The following TMEM94 variants were observed in gnomAD, a reference collection of about 807,000 sequenced individuals.
TMEM94 encodes ER Mg2+ ATPase.
A neutral mutation model predicts 158.6 loss-of-function variants in TMEM94; 81 were observed. The ratio of observed to expected loss-of-function variants is 0.51; its 90% CI spans 0.43 to 0.61. TMEM94 has a LOEUF of 0.61. TMEM94 is among the 20% of genes least tolerant of loss of function. The probability of loss-of-function intolerance (pLI) is 0.00; values close to 1 mark genes in which losing one functional copy is unlikely to be tolerated. For missense variants in TMEM94, 1,435 were observed against 1,762.0 expected (o/e 0.81, Z 3.32); for synonymous variants, 751 against 730.7 (o/e 1.03, Z -0.45).
chr17:75,480,106 AAG>A (rs2051045991), intron 2 of TMEM94, among the ~76,000 whole-genome samples: 1 of 151,930 alleles, frequency 6.6e-6, no homozygotes, highest in African/African-American at 2.4e-5. Flanking sequence ...AAAAAAAAAA[AAG>A]AGAAAAAGAG....
At chr17:75,497,753 A>T (rs371044908) in intron 26 of TMEM94, 28 bp from the exon 27 acceptor site, 4 of 1,570,064 alleles carry the variant, frequency 2.5e-6, no homozygotes, top group African/African-American at 1.3e-5. Flanking sequence ...CATTGTCACC[A>T]TCCCTCTACC....
rs2052182522 is a variant in TMEM94, at chr17:75,491,497, G to A, written c.1386+42G>A. On this transcript the variant is annotated intron_variant, in intron 13 of 31. Transcript: ENST00000314256. The surrounding 1 kb of genome is among the most constrained non-coding windows in gnomAD (Gnocchi z 5.1). ...GGCCGGCTCCCATGGGCCCGACTCT[G>A]GGCCAGGCTGTTTAGCCTTGGAGCC... 1 of 1,613,450 alleles carries A rather than the reference G, an allele frequency of 6.2e-7. No homozygotes were observed. The highest frequency in any genetic ancestry group is 1.3e-5 in the African/African-American group (1 of 74,936).
intron 2 of TMEM94, among the ~76,000 whole-genome samples, chr17:75,483,457 T>C (rs1439690703): frequency 6.6e-6 from 1 of 151,330 alleles, no homozygotes; most frequent in East Asian, 1.9e-4. Context: ...CAAGTTTTTT[T>C]CTTTTCTTTT....
Position 75,491,005 on chromosome 17 carries a change from G to A in TMEM94, c.1129-44G>A. The A allele has an allele frequency of 6.8e-7, 1 of 1,472,804 alleles. No homozygotes were observed. Among genetic ancestry groups the A allele is most frequent in the Non-Finnish European group, 9.3e-7 (1 of 1,070,674 alleles). The allele number at this position is 1,472,804 out of a possible 1,614,324, so 91.2% of individuals were successfully genotyped here. A position where few individuals can be genotyped will look rare whatever the true frequency, so the allele number is the denominator to read the frequency against. On this transcript the variant is annotated intron_variant, in intron 11 of 31. Coordinates refer to ENST00000314256, the MANE Select transcript of TMEM94 (RefSeq NM_014738.6). This position sits in a 1 kb window ranked among gnomAD's most constrained non-coding sequence, Gnocchi z 5.1. ...CTAGAGGCCGTCTCCAGGGAAATGAGGCTGAGCCCTAAATGGCCTTGCAGA... is the reference window on the plus strand; with the variant it reads ...CTAGAGGCCGTCTCCAGGGAAATGAAGCTGAGCCCTAAATGGCCTTGCAGA...
At chr17:75,496,578 C>T (rs2052708295) in intron 24 of TMEM94, 107 bp downstream of exon 24, 4 of 1,424,290 alleles carry the variant, frequency 2.8e-6, no homozygotes, top group Non-Finnish European at 3.9e-6. Context: ...TTCCCCAGCC[C>T]TCCGAGCGGG....
At position 75,496,050 on chromosome 17, in the gene TMEM94, G is replaced by C; in HGVS notation, c.3029G>C (p.Cys1010Ser). 6.2e-7 allele frequency: 1 copy of C among 1,612,718 alleles called. No homozygotes were observed. The highest frequency in any genetic ancestry group is 8.5e-7 in the Non-Finnish European group (1 of 1,179,712). The change falls in exon 23 of 32, where the codon TGC becomes TCC. Residue 1010 changes from cysteine to serine, a missense_variant. Transcript: ENST00000314256. ...AGCTCTGCCAACCTGCGGAACAGCT[G>C]CCTCTTCCTCCAGAGCGACATCAGG... ...LGSSANLRNS[C>S]LFLQSDISIA... is the part of the protein sequence containing the mutation.
At chr17:75,470,656 G>A (rs936808667) in intron 1 of TMEM94, among the ~76,000 whole-genome samples, 2 of 151,436 alleles carry the variant, frequency 1.3e-5, no homozygotes, top group Non-Finnish European at 2.9e-5. Flanking sequence ...AGTGAGCCGA[G>A]ATCGCGCCAC....
At chr17:75,480,278 C>T (rs983242204) in intron 2 of TMEM94, among the ~76,000 whole-genome samples, 2 of 152,232 alleles carry the variant, frequency 1.3e-5, no homozygotes, top group Admixed American at 6.5e-5. Flanking sequence ...CGGGCAAGAG[C>T]TTCCTTTGGG....
At position 75,488,307 on chromosome 17, in the gene TMEM94, C is replaced by T. The variant is rs1443796413; in HGVS notation, c.612+173C>T. Among the ~76,000 whole-genome samples the T allele has an allele frequency of 3.9e-5, 6 of 152,122 alleles. No homozygotes were observed. The East Asian group carries it at 1.2e-3, about 29-fold the overall frequency. On this transcript the variant is annotated intron_variant, in intron 6 of 31. Transcript: ENST00000314256. ...TGTTCTTTTTTTTGAAACAGGGTCT[C>T]ACCCTGTCGCCCAGGCTGGAGTGCA... is the stretch of plus-strand genomic sequence containing the variant.
At chr17:75,493,938 C>T (rs373675652) in intron 18 of TMEM94, 22 bp downstream of exon 18, 24 of 1,595,692 alleles carry the variant, frequency 1.5e-5, no homozygotes, top group Admixed American at 6.7e-5. Flanking sequence ...GTCTGTCCAG[C>T]GGGGCTGGTG....
In TMEM94 at chr17:75,492,493, G is replaced by A; in HGVS notation, c.1616G>A (p.Ser539Asn). Residue 539 changes from serine to asparagine, a missense_variant, in exon 15 of 32, where the codon AGC (serine) becomes AAC (asparagine). This residue lies in a region of TMEM94 where 1,051 missense variants were observed against 1,254.4 expected (regional missense o/e 0.84). Coordinates refer to ENST00000314256, the MANE Select transcript of TMEM94 (RefSeq NM_014738.6). This position sits in a 1 kb window ranked among gnomAD's most constrained non-coding sequence, Gnocchi z 4.4. ...CCCCAGACCCAGCCTGGGATGGAGA[G>A]CGACCCCTACGAAGCAGAGGACTTT... ...EPSKTQPGME[S>N]DPYEAEDFVC... The A allele has an allele frequency of 6.3e-7, 1 of 1,592,152 alleles. No homozygotes were observed. The highest frequency in any genetic ancestry group is 1.7e-5 in the Admixed American group (1 of 59,192).
At position 75,498,454 on chromosome 17, in the gene TMEM94, A is replaced by AGGG. The variant is rs899553177; in HGVS notation, c.3650_3652dup (p.Arg1217_Ala1218insGly). ...GCCTCACTTTGGCAGCAACGACGACAGGGCTCCAGCCTGGTTTGAGGACTT... is the reference window on the plus strand; with the variant it reads ...GCCTCACTTTGGCAGCAACGACGACAGGGGGGCTCCAGCCTGGTTTGAGGACTT... On this transcript the variant is annotated inframe_insertion, in exon 29 of 32. Transcript: ENST00000314256. The surrounding 1 kb of genome is among the most constrained non-coding windows in gnomAD (Gnocchi z 6.7). The AGGG allele has an allele frequency of 5.7e-6, 9 of 1,587,070 alleles. No individual in the cohort carries two copies. Among genetic ancestry groups the AGGG allele is most frequent in the African/African-American group, 4.0e-5 (3 of 74,394 alleles).
intron 11 of TMEM94, 61 bp from the exon 12 acceptor site, chr17:75,490,988 C>G: frequency 7.4e-7 from 1 of 1,346,310 alleles, no homozygotes; most frequent in Non-Finnish European, 1.0e-6. Flanking sequence ...CCCTAGAGGC[C>G]GTCTCCAGGG....
intron 2 of TMEM94, among the ~76,000 whole-genome samples, chr17:75,478,231 A>G (rs1396349694): frequency 1.4e-5 from 2 of 138,014 alleles, no homozygotes; most frequent in African/African-American, 2.7e-5. Context: ...TTTAGCCGGG[A>G]TGGTCTCGAT....
chr17:75,483,013 A>T (rs902109313), intron 2 of TMEM94, among the ~76,000 whole-genome samples: 1 of 152,210 alleles, frequency 6.6e-6, no homozygotes, highest in African/African-American at 2.4e-5. Context: ...CCTGAAGTGC[A>T]GCCCTGGGTT....
At chr17:75,468,582 G>C (rs1277386446) in intron 1 of TMEM94, among the ~76,000 whole-genome samples, 6 of 152,240 alleles carry the variant, frequency 3.9e-5, no homozygotes, top group Non-Finnish European at 7.3e-5. Context: ...AAGACTGAAT[G>C]TCACTGCATT....
At position 75,485,704 on chromosome 17, in the gene TMEM94, G is replaced by T. The variant is rs2051534477; in HGVS notation, c.144+157G>T. ...GAAAGAAGCCAAGGTTCCCCTCAGA[G>T]TGGCTCCTGAGCCTGCTTGCTGCAG... On this transcript the variant is annotated intron_variant, in intron 3 of 31. Coordinates refer to ENST00000314256, the MANE Select transcript of TMEM94 (RefSeq NM_014738.6). The surrounding 1 kb of genome is among the most constrained non-coding windows in gnomAD (Gnocchi z 5.5). The T allele has an allele frequency of 1.5e-6, 2 of 1,336,896 alleles. No homozygotes were observed. The highest frequency in any genetic ancestry group is 2.0e-6 in the Non-Finnish European group (2 of 975,784). The allele number at this position is 1,336,896 out of a possible 1,614,324, so 82.8% of individuals were successfully genotyped here.
At position 75,495,990 on chromosome 17, in the gene TMEM94, T is replaced by C; in HGVS notation, c.2969T>C (p.Met990Thr). ...GCCATGTGTGAGATGATAAAGATCA[T>C]GCAAGAGTACGGGGAGGTGACCTGC... is the stretch of plus-strand genomic sequence containing the variant. ...PETMCEMIKI[M>T]QEYGEVTCCL... Residue 990 changes from methionine (M) to threonine (T), a missense_variant, in exon 23 of 32, where the codon ATG becomes ACG. Physicochemically the swap from Met to Thr is moderately conservative, Grantham distance 81. Around this residue, in one of 3 missense-constraint regions of TMEM94, gnomAD observed 49 missense variants for 98.5 expected, o/e 0.50. Coordinates refer to ENST00000314256, the MANE Select transcript of TMEM94 (RefSeq NM_014738.6). The surrounding 1 kb of genome is among the most constrained non-coding windows in gnomAD (Gnocchi z 5.6). 1.2e-6 allele frequency: 2 copies of C among 1,613,436 alleles called. No homozygotes were observed. The highest frequency in any genetic ancestry group is 1.7e-6 in the Non-Finnish European group (2 of 1,179,876).
intron 2 of TMEM94, among the ~76,000 whole-genome samples, chr17:75,478,698 C>G (rs1275971081): frequency 6.6e-6 from 1 of 152,320 alleles, no homozygotes; most frequent in Admixed American, 6.5e-5. Flanking sequence ...GTCAGGACTT[C>G]CTTAGAGCCG....
Sources: gnomAD v4.1 joint callset for allele counts (sites outside exome capture counted in the v4.1 genomes callset) on GRCh38, gnomAD v4.1.1 for gene constraint, gnomAD v4.1.1 regional missense constraint, Gnocchi (gnomAD v3.1) non-coding constraint, MANE v1.5 for transcripts, NCBI Gene and HGNC (gene_info 2026-07-23, HGNC 2026-07-21) for gene names.